KALRN: variants seen among roughly 807,000 people sequenced by gnomAD.
KALRN encodes the protein kalirin RhoGEF kinase.
A neutral mutation model predicts 353.7 loss-of-function variants in KALRN; 70 were observed. That is an observed-to-expected ratio of 0.20 (90% confidence interval 0.16 to 0.24). KALRN has a LOEUF of 0.24. KALRN is among the 10% of genes least tolerant of loss of function. The pLI is 1.00. For missense variants in KALRN, 2,791 were observed against 3,756.7 expected, an observed-to-expected ratio of 0.74 and a Z score of 6.72; for synonymous variants, 1,391 against 1,434.8, an observed-to-expected ratio of 0.97 and a Z score of 0.69.
intron 34 of KALRN, among the ~76,000 whole-genome samples, chr3:124,578,659 C>G (rs1157819822): frequency 6.6e-6 from 1 of 152,038 alleles, no homozygotes; most frequent in Non-Finnish European, 1.5e-5. Flanking sequence ...GTCCCAGGTA[C>G]TCGGGAGGCT....
At position 124,492,806 on chromosome 3, in the gene KALRN, A is replaced by G. The variant is rs1211103304; in HGVS notation, c.4756A>G (p.Ile1586Val). The G allele has an allele frequency of 6.2e-7, 1 of 1,614,188 alleles. No individual in the cohort carries two copies. The highest frequency in any genetic ancestry group is 1.1e-5 in the South Asian group (1 of 91,080). Reference sequence around the variant, plus strand: ...TCGAGAAGTGATTCAAGAAAGGATCATTCACCTGAAAGGAGCTTTAAAGGA... The same window carrying G: ...TCGAGAAGTGATTCAAGAAAGGATCGTTCACCTGAAAGGAGCTTTAAAGGA... ...NIREVIQERI[I>V]HLKGALKEPL... Residue 1586 changes from isoleucine to valine, a missense_variant, in exon 32 of 60, where the codon ATT becomes GTT. Ile to Val is a conservative substitution (Grantham distance 29). This residue lies in a region of KALRN where 239 missense variants were observed against 351.3 expected (regional missense o/e 0.68). Transcript: ENST00000682506.
chr3:124,320,318 A>T (rs565739316), intron 6 of KALRN, among the ~76,000 whole-genome samples: 3 of 152,312 alleles, frequency 2.0e-5, no homozygotes, highest in South Asian at 4.1e-4. Context: ...CTGACAGGTG[A>T]TCACACCTTT....
intron 15 of KALRN, among the ~76,000 whole-genome samples, chr3:124,425,276 A>T (rs1237037614): frequency 6.6e-6 from 1 of 152,242 alleles, no homozygotes; most frequent in Admixed American, 6.5e-5. Flanking sequence ...AAGGAATTTG[A>T]ATGTTTCCAA....
chr3:124,170,734 G>C (rs1199160983), intron 1 of KALRN, among the ~76,000 whole-genome samples: 3 of 148,026 alleles, frequency 2.0e-5, no homozygotes, highest in Non-Finnish European at 4.4e-5. Context: ...TCTGGCTCCA[G>C]ACTTGGGGTT....
intron 1 of KALRN, among the ~76,000 whole-genome samples, chr3:124,078,779 A>T (rs1234373594): frequency 2.0e-5 from 3 of 152,212 alleles, no homozygotes; most frequent in Non-Finnish European, 2.9e-5. Flanking sequence ...ACTTACAGAA[A>T]TACTTCCTTA....
At chr3:124,443,333 G>T (rs1244670235) in intron 19 of KALRN, among the ~76,000 whole-genome samples, 1 of 152,198 alleles carries the variant, frequency 6.6e-6, no homozygotes, top group East Asian at 1.9e-4. Context: ...AACCCAAGCC[G>T]ACTTGGAGTG....
At chr3:124,562,805 C>T in intron 33 of KALRN, 38 bp from the exon 34 acceptor site, 1 of 1,300,994 alleles carries the variant, frequency 7.7e-7, no homozygotes, top group Non-Finnish European at 1.0e-6. Flanking sequence ...TTCCTCCATG[C>T]CCTCCTGTTC....
intron 1 of KALRN, among the ~76,000 whole-genome samples, chr3:124,131,324 C>G (rs2065247499): frequency 6.6e-6 from 1 of 152,170 alleles, no homozygotes; most frequent in East Asian, 1.9e-4. Context: ...AGTCTCTCAG[C>G]CCCAGTTACC....
intron 33 of KALRN, among the ~76,000 whole-genome samples, chr3:124,530,050 A>G (rs1050003035): frequency 4.6e-5 from 7 of 152,164 alleles, no homozygotes; most frequent in Non-Finnish European, 7.3e-5. Context: ...CCAGGAAATG[A>G]AAATGTGAGA....
At chr3:124,312,146 T>C (rs1030000091) in intron 6 of KALRN, among the ~76,000 whole-genome samples, 1 of 152,196 alleles carries the variant, frequency 6.6e-6, no homozygotes, top group African/African-American at 2.4e-5. Context: ...GCACTTTTTA[T>C]TTTATTTCAT....
intron 33 of KALRN, among the ~76,000 whole-genome samples, chr3:124,504,057 T>C (rs901781452): frequency 6.6e-6 from 1 of 152,190 alleles, no homozygotes; most frequent in African/African-American, 2.4e-5. Flanking sequence ...ACCTCGGAAG[T>C]GCTCTCGTGG....
rs551288803 is a variant in KALRN, at chr3:124,655,577, C to T, written c.5796-24C>T. On this transcript the variant is annotated intron_variant, in intron 38 of 59. Transcript: ENST00000682506. ...TGGCTTAACAATGAAGAGGAACACT[C>T]ACTGTTCTTAATCTCCTGCTCAGGT... The T allele has an allele frequency of 5.0e-6, 8 of 1,596,720 alleles. No individual in the cohort carries two copies. In the East Asian group the frequency reaches 6.7e-5, roughly 13 times the overall value.
intron 16 of KALRN, among the ~76,000 whole-genome samples, chr3:124,432,842 G>C (rs1423811456): frequency 1.3e-5 from 2 of 152,178 alleles, no homozygotes; most frequent in African/African-American, 4.8e-5. Context: ...AAATATTCTT[G>C]GAATTGATGT....
In KALRN at chr3:124,306,508, G is replaced by T. The variant is rs143121787; in HGVS notation, c.1092+7595G>T. ...AGGAAAACATGAGACACCATTAAGT[G>T]CACCAACTGCTATGCATAATGGCAG... On this transcript the variant is annotated intron_variant, in intron 6 of 59. Transcript: ENST00000682506. Among the ~76,000 whole-genome samples the T allele has an allele frequency of 6.8e-3, 1,029 of 152,234 alleles. 16 individuals are homozygous for T. Among genetic ancestry groups the T allele is most frequent in the African/African-American group, 0.024 (981 of 41,548 alleles).
intron 16 of KALRN, among the ~76,000 whole-genome samples, chr3:124,433,902 T>G (rs967473830): frequency 2.0e-5 from 3 of 152,222 alleles, no homozygotes; most frequent in Non-Finnish European, 2.9e-5. Context: ...ACTTGATCTG[T>G]AAAATGGGAC....
chr3:124,212,312 AG>A (rs2076968897), intron 1 of KALRN, among the ~76,000 whole-genome samples: 1 of 152,066 alleles, frequency 6.6e-6, no homozygotes, highest in African/African-American at 2.4e-5. Flanking sequence ...CTATTTCAGA[AG>A]GTTAAAAAAA....
intron 2 of KALRN, among the ~76,000 whole-genome samples, chr3:124,233,204 A>T (rs183950568): frequency 2.0e-5 from 3 of 152,170 alleles, no homozygotes; most frequent in Admixed American, 1.3e-4. Flanking sequence ...AACAACAGCT[A>T]TGGTAAAACA....
rs142012263 is a variant in KALRN at position 124,319,537 on chromosome 3, A to G, written c.1093-6443A>G. Among the ~76,000 whole-genome samples the G allele has an allele frequency of 2.1e-3, 312 of 149,382 alleles. 1 individual carries two copies. The highest frequency in any genetic ancestry group is 7.3e-3 in the African/African-American group (302 of 41,094). On this transcript the variant is annotated intron_variant, in intron 6 of 59. Coordinates refer to ENST00000682506, the MANE Select transcript of KALRN (RefSeq NM_001388419.1). ...TGGGGAGGGAGAGTCTCCTCTGTAT[A>G]GTTTTAATAACCCTTTTCTCCCTGA...
intron 1 of KALRN, among the ~76,000 whole-genome samples, chr3:124,041,079 T>TA (rs935823458): frequency 1.4e-4 from 22 of 152,080 alleles, no homozygotes; most frequent in Admixed American, 1.2e-3. Flanking sequence ...ATAAAGCCAT[T>TA]AAAAAAAGAA....
Sources: gnomAD v4.1 joint callset for allele counts (sites outside exome capture counted in the v4.1 genomes callset) on GRCh38, gnomAD v4.1.1 for gene constraint, gnomAD v4.1.1 regional missense constraint, MANE v1.5 for transcripts, NCBI Gene and HGNC (gene_info 2026-07-23, HGNC 2026-07-21) for gene names.